The following AGXT variants were observed in gnomAD, a reference collection of about 807,000 sequenced individuals.
The protein encoded by AGXT is L-alanine: glyoxylate aminotransferase 1.
A neutral mutation model predicts 46.9 loss-of-function variants in AGXT; 41 were observed. That is an observed-to-expected ratio of 0.88 (90% CI 0.68 to 1.14). AGXT has a LOEUF of 1.14. AGXT is among the 50% of genes most tolerant of loss of function. The probability of loss-of-function intolerance (pLI) is 0.00; values close to 1 mark genes in which losing one functional copy is unlikely to be tolerated. For missense variants in AGXT, 525 were observed against 522.7 expected, an observed-to-expected ratio of 1.00 and a Z score of -0.04; for synonymous variants, 244 against 227.9, an observed-to-expected ratio of 1.07 and a Z score of -0.64.
In AGXT at chr2:240,877,964, G is replaced by A; in HGVS notation, c.943-58G>A. On this transcript the variant is annotated intron_variant, in intron 9 of 10. Coordinates refer to ENST00000307503, the MANE Select transcript of AGXT (RefSeq NM_000030.3). ...GGGCAGATGGTGCAGGCCAAGAGCT[G>A]TCACAAAGGCCCGTACAGGGCCTCT... 3 of 1,599,554 alleles carry A rather than the reference G, an allele frequency of 1.9e-6. No homozygotes were observed. In the South Asian group the frequency reaches 3.3e-5, roughly 18 times the overall value.
intron 8 of AGXT, 70 bp from the exon 9 acceptor site, chr2:240,877,467 C>T: frequency 1.4e-6 from 2 of 1,406,294 alleles, no homozygotes; most frequent in Non-Finnish European, 9.7e-7. Flanking sequence ...CTTCCTCCCG[C>T]ACCACAGAGG....
rs180177241 is a variant in AGXT, at chr2:240,873,025, AC to A, written c.577del (p.Leu193PhefsTer19). On this transcript the variant is annotated frameshift_variant, in exon 5 of 11. Transcript: ENST00000307503. LOFTEE classifies it high-confidence loss of function. ...GGATTCGGTGGCATCCCTGGGCGGG[AC>A]CCCCCTTTACATGGACCGGCAAGGT... ...LVDSVASLGGTPLYMDRQGID... is the reference protein window; with the variant it reads ...LVDSVASLGGXPLYMDRQGID... 5 of 1,613,012 alleles carry A rather than the reference AC, an allele frequency of 3.1e-6. No individual in the cohort carries two copies. Among genetic ancestry groups the A allele is most frequent in the East Asian group, 2.2e-5 (1 of 44,836 alleles).
At chr2:240,871,078 G>C in intron 3 of AGXT, 1 of 590,486 alleles carries the variant, frequency 1.7e-6, no homozygotes, top group Non-Finnish European at 3.0e-6. Context: ...CCGGAGTGTG[G>C]GGACTCAGTC....
At position 240,875,932 on chromosome 2, in the gene AGXT, C is replaced by T. The variant is rs539952492; in HGVS notation, c.777-3C>T. 56 of 1,614,208 alleles carry T rather than the reference C, an allele frequency of 3.5e-5. No homozygotes were observed. The highest frequency in any genetic ancestry group is 3.0e-4 in the South Asian group (27 of 91,084). On this transcript the variant is annotated splice_polypyrimidine_tract_variant and splice_region_variant and intron_variant, in intron 7 of 10. Transcript: ENST00000307503. ...CTGGACCAAGCCCCCTCGTGTCTTC[C>T]AGGTACCATCACACAATCCCCGTCA...
At chr2:240,877,192 A>G in intron 8 of AGXT, 1 of 480,586 alleles carries the variant, frequency 2.1e-6, no homozygotes, top group South Asian at 1.7e-5. Context: ...CAGCACCCTG[A>G]GCCCTGGCCC....
At position 240,872,911 on chromosome 2, in the gene AGXT, T is replaced by G. The variant is rs113369726; in HGVS notation, c.525-68T>G. 4.2e-3 allele frequency: 5,822 copies of G among 1,395,840 alleles called. 180 individuals carry two copies. In the African/African-American group the frequency reaches 0.071, roughly 17 times the overall value. 86.5% of individuals were successfully genotyped at this position (1,395,840 alleles called of 1,614,324 possible). ...TGAGGCTCAGAAACCCCATCCAGCCTGGGGCCAGGCCCTCCAGTGGCCCCC... is the reference window on the plus strand; with the variant it reads ...TGAGGCTCAGAAACCCCATCCAGCCGGGGGCCAGGCCCTCCAGTGGCCCCC... On this transcript the variant is annotated intron_variant, in intron 4 of 10. Transcript: ENST00000307503.
chr2:240,869,488 G>A (rs950713267), intron 2 of AGXT, 126 bp downstream of exon 2: 124 of 1,163,952 alleles, frequency 1.1e-4, no homozygotes, highest in Non-Finnish European at 1.3e-4. Context: ...GGCCCTGTGC[G>A]CACGAACCTC....
At position 240,869,157 on chromosome 2, in the gene AGXT, C is replaced by T; in HGVS notation, c.166-13C>T. 1 of 1,613,482 alleles carries T rather than the reference C, an allele frequency of 6.2e-7. No homozygotes were observed. On this transcript the variant is annotated splice_polypyrimidine_tract_variant and intron_variant, in intron 1 of 10. Coordinates refer to ENST00000307503, the MANE Select transcript of AGXT (RefSeq NM_000030.3). ...GGGGAGCCTGGGTCTCACCCTATAC[C>T]ACCCGCATGCAGATCATGGACGAGA...
chr2:240,875,826 C>A, intron 7 of AGXT, 109 bp from the exon 8 acceptor site: 1 of 1,224,224 alleles, frequency 8.2e-7, no homozygotes, highest in Non-Finnish European at 1.2e-6. Context: ...AGGATACCGG[C>A]CTGTGGTCAG....
At chr2:240,876,046 C>A (rs1384076248) in intron 8 of AGXT, 42 bp downstream of exon 8, 1 of 1,606,028 alleles carries the variant, frequency 6.2e-7, no homozygotes, top group Admixed American at 1.7e-5. Flanking sequence ...GGGCCACTGG[C>A]TGGATTGTCG....
chr2:240,872,159 T>C (rs934316917), intron 4 of AGXT, among the ~76,000 whole-genome samples: 6 of 151,842 alleles, frequency 4.0e-5, no homozygotes, highest in Non-Finnish European at 8.8e-5. Flanking sequence ...TGAGAGTTTG[T>C]GAACATGGAG....
At chr2:240,873,390 C>T in intron 5 of AGXT, 1 of 338,466 alleles carries the variant, frequency 3.0e-6, no homozygotes, top group Non-Finnish European at 5.6e-6. Context: ...CCCCTCTGCC[C>T]AACCCCCCAG....
intron 6 of AGXT, among the ~76,000 whole-genome samples, chr2:240,874,556 G>A (rs1055769549): frequency 6.6e-6 from 1 of 152,262 alleles, no homozygotes; most frequent in Non-Finnish European, 1.5e-5. Flanking sequence ...GCAACTGGAG[G>A]TGCCGTTCCC....
chr2:240,875,290 C>A, intron 7 of AGXT, 86 bp downstream of exon 7: 1 of 1,170,756 alleles, frequency 8.5e-7, no homozygotes, highest in Non-Finnish European at 1.3e-6. Flanking sequence ...CTCAGGGATT[C>A]TCCAAGCCCC....
rs200179501 is a variant in AGXT, at chr2:240,873,982, C to T, written c.600C>T (p.Ile200=). ...GTPLYMDRQG[I]DILYSGSQKA... is the part of the protein sequence containing the mutation. ...GAGCAAACCACCCATCTACAGGCAT[C>T]GACATCCTGTACTCGGGCTCCCAGA... is the stretch of plus-strand genomic sequence containing the variant. Residue 200 remains isoleucine, a synonymous_variant, in exon 6 of 11, where the codon ATC becomes ATT. Transcript: ENST00000307503. 5.6e-6 allele frequency: 9 copies of T among 1,613,598 alleles called. No individual in the cohort carries two copies. Among genetic ancestry groups the T allele is most frequent in the Admixed American group, 3.3e-5 (2 of 60,028 alleles).
In AGXT at chr2:240,875,944, C is replaced by A; in HGVS notation, c.786C>A (p.His262Gln). 1 of 1,614,214 alleles carries A rather than the reference C, an allele frequency of 6.2e-7. No individual in the cohort carries two copies. The highest frequency in any genetic ancestry group is 8.5e-7 in the Non-Finnish European group (1 of 1,180,024). The change falls in exon 8 of 11, where the codon CAC becomes CAA. Residue 262 changes from histidine to glutamine, a missense_variant. His to Gln is a conservative substitution (Grantham distance 24, BLOSUM62 0). Transcript: ENST00000307503. ...GCDDQPRMYH[H>Q]TIPVISLYSL... is the part of the protein sequence containing the mutation. ...CCCTCGTGTCTTCCAGGTACCATCA[C>A]ACAATCCCCGTCATCAGCCTGTACA...
intron 5 of AGXT, among the ~76,000 whole-genome samples, 164 bp from the exon 6 acceptor site, chr2:240,873,814 G>T (rs1373928663): frequency 6.6e-6 from 1 of 152,164 alleles, no homozygotes; most frequent in Non-Finnish European, 1.5e-5. Flanking sequence ...ACGCAGCAGT[G>T]CCCAGATTTG....
intron 3 of AGXT, chr2:240,871,148 G>A: frequency 1.6e-6 from 1 of 627,490 alleles, no homozygotes; most frequent in Non-Finnish European, 2.9e-6. Flanking sequence ...CTCCATCTCT[G>A]CACCAAAGTC....
chr2:240,871,112 C>A (rs1381518781), intron 3 of AGXT: 3 of 604,186 alleles, frequency 5.0e-6, no homozygotes, highest in Non-Finnish European at 8.9e-6. Flanking sequence ...CCCTCACAGG[C>A]CAGGCAACAG....
Sources: gnomAD v4.1 joint callset for allele counts (sites outside exome capture counted in the v4.1 genomes callset) on GRCh38, gnomAD v4.1.1 for gene constraint, MANE v1.5 for transcripts, NCBI Gene and HGNC (gene_info 2026-07-23, HGNC 2026-07-21) for gene names.